The following S1PR3 variants were observed in gnomAD, a reference collection of about 807,000 sequenced individuals.
S1PR3 encodes sphingosine 1-phosphate receptor 3.
S1PR3 carries 12 observed loss-of-function variants against 13.3 expected under a neutral mutation model. That is an observed-to-expected ratio of 0.90 (90% CI 0.58 to 1.46). The LOEUF (loss-of-function observed/expected upper bound fraction) is 1.46. Among genes scored for constraint, S1PR3 ranks in the 40% most tolerant of loss-of-function variants. The probability of loss-of-function intolerance (pLI) is 0.00; values close to 1 mark genes in which losing one functional copy is unlikely to be tolerated. For synonymous variants in S1PR3, 232 were observed against 214.0 expected (o/e 1.08, Z -0.73); for missense variants, 450 against 501.9 (o/e 0.90, Z 0.99).
Position 89,002,269 on chromosome 9 carries a change from C to T in S1PR3, c.1069C>T (p.His357Tyr), listed in dbSNP as rs1313274967. ...HSPKVKEDLP[H>Y]TAPSSCIMDK... ...TCCGAAGGTCAAGGAAGACCTGCCC[C>T]ACACAGCCCCCTCATCCTGCATCAT... The change falls in exon 2 of 2, where the codon CAC becomes TAC. Residue 357 changes from histidine to tyrosine, a missense_variant. Transcript: ENST00000358157. 3.1e-6 allele frequency: 5 copies of T among 1,614,166 alleles called. No individual in the cohort carries two copies. The African/African-American group carries it at 5.3e-5, about 17-fold the overall frequency.
At chr9:88,991,164 AG>A (rs1825690266), upstream of S1PR3, 1 of 1,607,112 alleles carries the variant, frequency 6.2e-7, no homozygotes, top group Non-Finnish European at 8.5e-7. The surrounding 1 kb of genome is among the most constrained non-coding windows in gnomAD (Gnocchi z 4.0). Context: ...CTGCACCTGG[AG>A]CTCGCCCGAT....
rs1371855359 is a variant in S1PR3, at chr9:88,991,860, C to G, written c.-148+165C>G. The G allele has an allele frequency of 1.4e-5, 23 of 1,614,076 alleles. No homozygotes were observed. Among genetic ancestry groups the G allele is most frequent in the Non-Finnish European group, 1.9e-5 (23 of 1,179,950 alleles). ...CAGCACCCCTCCCCCAGAGCCGCTG[C>G]AGGAACAGGGAGGAGGCCTTTTCCA... On this transcript the variant is annotated intron_variant, in intron 1 of 1. Transcript: ENST00000358157. The surrounding 1 kb of genome is among the most constrained non-coding windows in gnomAD (Gnocchi z 4.0).
At chr9:88,996,178 C>T (rs1825801884) in intron 1 of S1PR3, 1 of 152,574 alleles carries the variant, frequency 6.6e-6, no homozygotes, top group Non-Finnish European at 1.5e-5. Context: ...AGGGGCCGCC[C>T]CTTCTCCCCA....
At chr9:88,991,193 G>A (rs1825691271), upstream of S1PR3, 2 of 1,593,626 alleles carry the variant, frequency 1.3e-6, no homozygotes, top group East Asian at 2.3e-5. This position sits in a 1 kb window ranked among gnomAD's most constrained non-coding sequence, Gnocchi z 4.0. Flanking sequence ...AGGTCTGGAG[G>A]CCGGCCTGGG....
At position 89,002,161 on chromosome 9, in the gene S1PR3, C is replaced by G. The variant is rs199816019; in HGVS notation, c.961C>G (p.Arg321Gly). 6.2e-7 allele frequency: 1 copy of G among 1,613,796 alleles called. No homozygotes were observed. Among genetic ancestry groups the G allele is most frequent in the South Asian group, 1.1e-5 (1 of 91,058 alleles). The change falls in exon 2 of 2, where the codon CGG (arginine) becomes GGG (glycine). Residue 321 changes from arginine to glycine, a missense_variant. By Grantham distance (125) the Arg-to-Gly change is moderately radical. Transcript: ENST00000358157. ...RLVCNCLVRGRGARASPIQPA... is the reference protein window; with the variant it reads ...RLVCNCLVRGGGARASPIQPA... The stretch of plus-strand genomic sequence containing the variant: ...GGTCTGCAACTGCCTGGTCAGGGGA[C>G]GGGGGGCCCGCGCCTCACCCATCCA...
Position 88,991,896 on chromosome 9 carries a change from A to G in S1PR3, c.-148+201A>G. ...AGGAGGCCTTTTCCACCGCACCCGGAGCGTTTACAACGGGCTGGAGCTGAA... is the reference window on the plus strand; with the variant it reads ...AGGAGGCCTTTTCCACCGCACCCGGGGCGTTTACAACGGGCTGGAGCTGAA... On this transcript the variant is annotated intron_variant, in intron 1 of 1. Transcript: ENST00000358157. The surrounding 1 kb of genome is among the most constrained non-coding windows in gnomAD (Gnocchi z 4.0). 3 of 1,614,162 alleles carry G rather than the reference A, an allele frequency of 1.9e-6. No individual in the cohort carries two copies. Among genetic ancestry groups the G allele is most frequent in the Middle Eastern group, 1.6e-4 (1 of 6,062 alleles).
At chr9:88,995,049 C>A (rs1825782469) in intron 1 of S1PR3, 1 of 167,092 alleles carries the variant, frequency 6.0e-6, no homozygotes, top group South Asian at 2.1e-4. Flanking sequence ...TAACGGCCGA[C>A]TCATTATTTC....
rs1253049929 is a variant in S1PR3 at position 89,003,750 on chromosome 9, C to T, written c.*1413C>T. ...TTCAAAGGAACCTCCCATCAGAGTC[C>T]CCTAAAGTATTTTAGGTTCAGTGAG... On this transcript the variant is annotated 3_prime_UTR_variant, in exon 2 of 2. Coordinates refer to ENST00000358157, the MANE Select transcript of S1PR3 (RefSeq NM_005226.4). The T allele has an allele frequency of 6.0e-6, 1 of 166,356 alleles. No individual in the cohort carries two copies. The highest frequency in any genetic ancestry group is 1.5e-5 in the Non-Finnish European group (1 of 68,120). 10.3% of individuals were successfully genotyped at this position (166,356 alleles called of 1,614,324 possible).
At chr9:88,991,021 T>G, upstream of S1PR3, 1 of 1,613,498 alleles carries the variant, frequency 6.2e-7, no homozygotes, top group Non-Finnish European at 8.5e-7. This position sits in a 1 kb window ranked among gnomAD's most constrained non-coding sequence, Gnocchi z 4.0. Context: ...ACAACGATAA[T>G]GATAGTATTA....
intron 1 of S1PR3, chr9:88,999,648 A>G (rs751856981): frequency 2.1e-4 from 32 of 152,224 alleles, no homozygotes; most frequent in Non-Finnish European, 4.4e-4. Context: ...CACTGGATAC[A>G]CACAGTAGGC....
At chr9:88,992,839 A>G (rs1232999193) in intron 1 of S1PR3, 1 of 152,036 alleles carries the variant, frequency 6.6e-6, no homozygotes, top group Non-Finnish European at 1.5e-5. Context: ...TCTGTAAAGT[A>G]TTATTTCATG....
At position 89,001,070 on chromosome 9, in the gene S1PR3, C is replaced by A; in HGVS notation, c.-131C>A. The stretch of plus-strand genomic sequence containing the variant: ...TGTTGGCAGGAGCCCTTTTTCAACG[C>A]CCTCGCTGGAGTCTGGCCTGCACGC... On this transcript the variant is annotated 5_prime_UTR_variant, in exon 2 of 2. Transcript: ENST00000358157. The A allele has an allele frequency of 9.5e-7, 1 of 1,055,208 alleles. No individual in the cohort carries two copies. Among genetic ancestry groups the A allele is most frequent in the Non-Finnish European group, 1.4e-6 (1 of 726,936 alleles). The allele number at this position is 1,055,208 out of a possible 1,614,324, so 65.4% of individuals were successfully genotyped here.
At chr9:88,991,209 G>C, upstream of S1PR3, 1 of 1,579,726 alleles carries the variant, frequency 6.3e-7, no homozygotes, top group East Asian at 2.3e-5. This position sits in a 1 kb window ranked among gnomAD's most constrained non-coding sequence, Gnocchi z 4.0. Flanking sequence ...CTGGGAACAG[G>C]GGCCGAAGGG....
chr9:88,991,654 C>T lies in S1PR3; in HGVS notation c.-189C>T. 2 of 1,518,784 alleles carry T rather than the reference C, an allele frequency of 1.3e-6. No homozygotes were observed. Among genetic ancestry groups the T allele is most frequent in the South Asian group, 2.5e-5 (2 of 79,800 alleles). 94.1% of individuals were successfully genotyped at this position (1,518,784 alleles called of 1,614,324 possible). ...GCGCCCCGGCACCGCCGCGCGCCAC[C>T]CGCTAGGATGCCGGTGGCCCCAGCG... On this transcript the variant is annotated 5_prime_UTR_variant, in exon 1 of 2. Transcript: ENST00000358157. This position sits in a 1 kb window ranked among gnomAD's most constrained non-coding sequence, Gnocchi z 4.0.
chr9:88,991,963 A>T lies in S1PR3; in HGVS notation c.-148+268A>T, dbSNP rs1011922975. 4 of 1,614,126 alleles carry T rather than the reference A, an allele frequency of 2.5e-6. No individual in the cohort carries two copies. In the African/African-American group the frequency reaches 5.3e-5, roughly 22 times the overall value. The stretch of plus-strand genomic sequence containing the variant: ...GAGAGGCTGTTCGTGGAGAAGTTCC[A>T]TCAGTCGTTTTCCTTGGACAATTAA... On this transcript the variant is annotated intron_variant, in intron 1 of 1. Transcript: ENST00000358157. The surrounding 1 kb of genome is among the most constrained non-coding windows in gnomAD (Gnocchi z 4.0).
intron 1 of S1PR3, chr9:88,998,818 G>A (rs368116693): frequency 8.5e-5 from 13 of 152,494 alleles, no homozygotes; most frequent in African/African-American, 3.1e-4. Context: ...AAACGGTAGA[G>A]AGGGAGGGGC....
In S1PR3 at chr9:89,004,869, C is replaced by T. The variant is rs1867; in HGVS notation, c.*2532C>T. ...CCAGGGAATGTTTCAAAGCCCTAACCTTGAAGTTTGGAAACAGGTGGTCTT... is the reference window on the plus strand; with the variant it reads ...CCAGGGAATGTTTCAAAGCCCTAACTTTGAAGTTTGGAAACAGGTGGTCTT... On this transcript the variant is annotated 3_prime_UTR_variant, in exon 2 of 2. Coordinates refer to ENST00000358157, the MANE Select transcript of S1PR3 (RefSeq NM_005226.4). 0.16 allele frequency: 26,484 copies of T among 167,106 alleles called. 2,567 individuals carry two copies. Among genetic ancestry groups the T allele is most frequent in the Middle Eastern group, 0.32 (94 of 296 alleles). The allele number at this position is 167,106 out of a possible 1,614,324, so 10.4% of individuals were successfully genotyped here. A position where few individuals can be genotyped will look rare whatever the true frequency, so the allele number is the denominator to read the frequency against.
In S1PR3 at chr9:89,002,002, G is replaced by T. The variant is rs372574654; in HGVS notation, c.802G>T (p.Ala268Ser). Residue 268 changes from alanine (A) to serine (S), a missense_variant, in exon 2 of 2, where the codon GCC becomes TCC. Coordinates refer to ENST00000358157, the MANE Select transcript of S1PR3 (RefSeq NM_005226.4). ...PLFILFLIDV[A>S]CRVQACPILF... ...CTTCATCCTCTTCCTCATTGATGTG[G>T]CCTGCAGGGTGCAGGCGTGCCCCAT... 1.7e-5 allele frequency: 28 copies of T among 1,613,950 alleles called. No homozygotes were observed. The Middle Eastern group carries it at 4.9e-4, about 28-fold the overall frequency.
chr9:88,991,666 C>T lies in S1PR3; in HGVS notation c.-177C>T. 3 of 1,516,730 alleles carry T rather than the reference C, an allele frequency of 2.0e-6. No individual in the cohort carries two copies. Among genetic ancestry groups the T allele is most frequent in the Non-Finnish European group, 2.6e-6 (3 of 1,134,370 alleles). The allele number at this position is 1,516,730 out of a possible 1,614,324, so 94.0% of individuals were successfully genotyped here. On this transcript the variant is annotated 5_prime_UTR_variant, in exon 1 of 2. Transcript: ENST00000358157. This position sits in a 1 kb window ranked among gnomAD's most constrained non-coding sequence, Gnocchi z 4.0. The stretch of plus-strand genomic sequence containing the variant: ...CGCCGCGCGCCACCCGCTAGGATGC[C>T]GGTGGCCCCAGCGCCCTCAGCCGAC...
Sources: allele counts gnomAD v4.1 joint callset, GRCh38; gene constraint gnomAD v4.1.1; non-coding constraint Gnocchi (gnomAD v3.1); transcripts MANE v1.5; gene names NCBI Gene and HGNC (gene_info 2026-07-23, HGNC 2026-07-21).